The following XXYLT1 variants were observed in gnomAD, a reference collection of about 807,000 sequenced individuals.
XXYLT1 encodes the protein UDP-xylose:alpha-xyloside alpha-1,3-xylosyltransferase.
A neutral mutation model predicts 28.9 loss-of-function variants in XXYLT1; 20 were observed. That is an observed-to-expected ratio of 0.69 (90% confidence interval 0.49 to 1.00). The LOEUF is 1.00. Among genes scored for constraint, XXYLT1 ranks in the 50% least tolerant of loss-of-function variants. XXYLT1 has a pLI of 0.00. For synonymous variants in XXYLT1, 257 were observed against 253.8 expected, an observed-to-expected ratio of 1.01 and a Z score of -0.12; for missense variants, 542 against 560.1, an observed-to-expected ratio of 0.97 and a Z score of 0.33.
chr3:195,103,315 A>ATCACCCCACGCCAGCGG (rs1716893051), intron 3 of XXYLT1, among the ~76,000 whole-genome samples: 1 of 122,938 alleles, frequency 8.1e-6, no homozygotes, highest in Non-Finnish European at 1.8e-5. Flanking sequence ...CACACCAGCG[A>ATCACCCCACGCCAGCGG]CCTGCGTCCA....
intron 3 of XXYLT1, among the ~76,000 whole-genome samples, chr3:195,083,567 T>C (rs1715554888): frequency 6.6e-6 from 1 of 152,168 alleles, no homozygotes; most frequent in Admixed American, 6.5e-5. Flanking sequence ...AAGCCTATTA[T>C]GGACAAGCAC....
chr3:195,095,006 G>C lies in XXYLT1; in HGVS notation c.786-24895C>G, dbSNP rs1716345983. The stretch of plus-strand genomic sequence containing the variant: ...CTGTGCGGGGGAAATGTGTGTCCGG[G>C]ATCTGGTTAAAATGCAGACTGGGAT... On this transcript the variant is annotated intron_variant, in intron 3 of 3. Transcript: ENST00000310380. 2.6e-5 allele frequency among the ~76,000 whole-genome samples: 4 copies of C among 152,314 alleles called. No homozygotes were observed. In the South Asian group the frequency reaches 8.3e-4, roughly 32 times the overall value.
chr3:195,224,950 C>T (rs992322380), intron 2 of XXYLT1, among the ~76,000 whole-genome samples: 2 of 152,210 alleles, frequency 1.3e-5, no homozygotes, highest in African/African-American at 2.4e-5. Flanking sequence ...AACAGAACCA[C>T]GTCCTTCTCA....
At chr3:195,088,208 C>T (rs1359159376) in intron 3 of XXYLT1, among the ~76,000 whole-genome samples, 105 of 151,720 alleles carry the variant, frequency 6.9e-4, no homozygotes, top group Admixed American at 2.0e-3. Context: ...CTGCCTGCCT[C>T]TGTAGGCTCC....
At chr3:195,197,465 T>C (rs192150882) in intron 2 of XXYLT1, among the ~76,000 whole-genome samples, 12 of 149,804 alleles carry the variant, frequency 8.0e-5, no homozygotes, top group African/African-American at 2.0e-4. Context: ...AAAAAAGCTA[T>C]GTTATTTCAA....
In XXYLT1 at chr3:195,077,098, C is replaced by T. The variant is rs1715165114; in HGVS notation, c.786-6987G>A. ...AGGACACCTGTGGGGCCCAGAACTGCCCTCAGCAAAACCCCAGCCCCTGCT... is the reference window on the plus strand; with the variant it reads ...AGGACACCTGTGGGGCCCAGAACTGTCCTCAGCAAAACCCCAGCCCCTGCT... On this transcript the variant is annotated intron_variant, in intron 3 of 3. Coordinates refer to ENST00000310380, the MANE Select transcript of XXYLT1 (RefSeq NM_152531.5). The surrounding 1 kb of genome is among the most constrained non-coding windows in gnomAD (Gnocchi z 4.8). Among the ~76,000 whole-genome samples the T allele has an allele frequency of 6.6e-6, 1 of 152,160 alleles. No individual in the cohort carries two copies. The highest frequency in any genetic ancestry group is 2.4e-5 in the African/African-American group (1 of 41,436).
intron 3 of XXYLT1, among the ~76,000 whole-genome samples, chr3:195,070,778 G>A (rs1714758280): frequency 6.6e-6 from 1 of 152,240 alleles, no homozygotes. Flanking sequence ...GCTGGGCAGG[G>A]GCTGGGGGCC....
intron 3 of XXYLT1, among the ~76,000 whole-genome samples, chr3:195,102,790 T>C (rs1433655653): frequency 6.6e-6 from 1 of 152,220 alleles, no homozygotes; most frequent in Admixed American, 6.5e-5. Context: ...GCAGTTATCT[T>C]TACGAGGTAG....
chr3:195,089,707 C>T (rs1716023534), intron 3 of XXYLT1, among the ~76,000 whole-genome samples: 4 of 151,534 alleles, frequency 2.6e-5, no homozygotes, highest in African/African-American at 9.7e-5. Flanking sequence ...GGACTAAATG[C>T]TCCAATTAAA....
chr3:195,103,461 T>TCACCCCACG (rs1716920908), intron 3 of XXYLT1, among the ~76,000 whole-genome samples: 13 of 152,186 alleles, frequency 8.5e-5, no homozygotes, highest in South Asian at 4.1e-4. Context: ...CCTGCGTCCA[T>TCACCCCACG]CTCTTCTGCA....
chr3:195,082,631 T>A (rs950546075), intron 3 of XXYLT1, among the ~76,000 whole-genome samples: 3 of 152,084 alleles, frequency 2.0e-5, no homozygotes, highest in Non-Finnish European at 4.4e-5. Context: ...GGCGGGTGGA[T>A]CCCTTGAGGT....
intron 2 of XXYLT1, among the ~76,000 whole-genome samples, chr3:195,225,615 T>C (rs2108800736): frequency 6.6e-6 from 1 of 152,204 alleles, no homozygotes; most frequent in African/African-American, 2.4e-5. Flanking sequence ...CTTCTCACCA[T>C]TAAGAGGCTC....
chr3:195,155,224 C>A (rs2108680354), intron 3 of XXYLT1, among the ~76,000 whole-genome samples: 1 of 152,330 alleles, frequency 6.6e-6, no homozygotes, highest in East Asian at 1.9e-4. Context: ...GCCTCTTCAC[C>A]CCCTCTTTCT....
At chr3:195,089,528 G>C (rs11215650) in intron 3 of XXYLT1, among the ~76,000 whole-genome samples, 3 of 151,504 alleles carry the variant, frequency 2.0e-5, no homozygotes, top group Admixed American at 6.6e-5. Context: ...TGAAGGAAGC[G>C]CTAAACATGG....
At chr3:195,258,255 C>T (rs1009836578) in intron 1 of XXYLT1, among the ~76,000 whole-genome samples, 1 of 152,180 alleles carries the variant, frequency 6.6e-6, no homozygotes, top group African/African-American at 2.4e-5. Flanking sequence ...GATAGTGTGG[C>T]AGCCAGGCAT....
At chr3:195,125,601 G>A (rs1718576563) in intron 3 of XXYLT1, among the ~76,000 whole-genome samples, 1 of 152,234 alleles carries the variant, frequency 6.6e-6, no homozygotes, top group South Asian at 2.1e-4. Context: ...TTCGGTGGGG[G>A]GTCATCCTCC....
chr3:195,266,840 C>T (rs4677666), intron 1 of XXYLT1, among the ~76,000 whole-genome samples: 45,313 of 152,052 alleles, frequency 0.3, 7,847 homozygotes, highest in East Asian at 0.83. Context: ...TCTGTATTTT[C>T]AAGTGTCCCC....
At chr3:195,099,830 C>CAAAAAAAAAAAAAAAAAAAAAAAAA (rs35428286) in intron 3 of XXYLT1, among the ~76,000 whole-genome samples, 3 of 97,222 alleles carry the variant, frequency 3.1e-5, no homozygotes, top group African/African-American at 1.0e-4. Flanking sequence ...GACTCTGTCT[C>CAAAAAAAAAAAAAAAAAAAAAAAAA]AAAAAAAAAA....
At chr3:195,190,815 G>A (rs2108751246) in intron 2 of XXYLT1, among the ~76,000 whole-genome samples, 1 of 152,102 alleles carries the variant, frequency 6.6e-6, no homozygotes, top group Admixed American at 6.5e-5. Flanking sequence ...TAGGAATTAA[G>A]TTATTAATCT....
Sources: gnomAD v4.1 joint callset for allele counts (sites outside exome capture counted in the v4.1 genomes callset) on GRCh38, gnomAD v4.1.1 for gene constraint, Gnocchi (gnomAD v3.1) non-coding constraint, MANE v1.5 for transcripts, NCBI Gene and HGNC (gene_info 2026-07-23, HGNC 2026-07-21) for gene names.